ZNF516: variants seen among roughly 807,000 people sequenced by gnomAD.
The protein encoded by ZNF516 is zinc finger protein 516.
Under a neutral mutation model 79.7 loss-of-function variants are expected in ZNF516, and 19 were observed. The observed-to-expected ratio is 0.24, with a 90% confidence interval of 0.17 to 0.35. The LOEUF is 0.35. Ranked by LOEUF, ZNF516 falls within the 10% of genes least tolerant of loss-of-function variation. The pLI is 1.00. For missense variants in ZNF516, 1,678 were observed against 1,679.5 expected, an observed-to-expected ratio of 1.00 and a Z score of 0.02; for synonymous variants, 877 against 739.5, an observed-to-expected ratio of 1.19 and a Z score of -3.02.
chr18:76,458,791 C>CATGCGT (rs879802293), intron 2 of ZNF516, among the ~76,000 whole-genome samples: 8,608 of 146,022 alleles, frequency 0.059, 281 homozygotes, highest in African/African-American at 0.074. Context: ...GCCTCACCGT[C>CATGCGT]GTGCGTGTGC....
rs969520197 is a variant in ZNF516 at position 76,432,706 on chromosome 18, T to C, written c.1810+8539A>G. 2.6e-5 allele frequency among the ~76,000 whole-genome samples: 4 copies of C among 152,162 alleles called. 1 individual carries two copies. The South Asian group carries it at 8.3e-4, about 31-fold the overall frequency. On this transcript the variant is annotated intron_variant, in intron 3 of 6. Coordinates refer to ENST00000443185, the MANE Select transcript of ZNF516 (RefSeq NM_014643.4). Reference sequence around the variant, plus strand: ...AGGCCCACGGCCCTCTGTACTGAGGTGGGAAACCATCCAGTGGCCTGACCA... The same window carrying C: ...AGGCCCACGGCCCTCTGTACTGAGGCGGGAAACCATCCAGTGGCCTGACCA...
chr18:76,415,364 G>A (rs952376596), intron 3 of ZNF516, among the ~76,000 whole-genome samples: 12 of 152,312 alleles, frequency 7.9e-5, no homozygotes, highest in Non-Finnish European at 1.3e-4. Flanking sequence ...TGGCACTGAC[G>A]GTTGTCACGG....
At chr18:76,426,488 T>C (rs2145423162) in intron 3 of ZNF516, among the ~76,000 whole-genome samples, 1 of 152,346 alleles carries the variant, frequency 6.6e-6, no homozygotes, top group African/African-American at 2.4e-5. Context: ...AAATGAATCT[T>C]CAGTGTAAGT....
At chr18:76,466,067 C>T (rs1300274274) in intron 1 of ZNF516, among the ~76,000 whole-genome samples, 1 of 152,222 alleles carries the variant, frequency 6.6e-6, no homozygotes, top group Non-Finnish European at 1.5e-5. Flanking sequence ...GATGCATTTT[C>T]TGATGATCAA....
intron 3 of ZNF516, among the ~76,000 whole-genome samples, chr18:76,409,461 GA>G (rs2075345672): frequency 6.6e-6 from 1 of 152,072 alleles, no homozygotes; most frequent in Admixed American, 6.5e-5. Context: ...AAAATTCTAA[GA>G]AGCTGATTTT....
intron 6 of ZNF516, among the ~76,000 whole-genome samples, chr18:76,362,870 T>C (rs1359377742): frequency 1.3e-5 from 2 of 152,322 alleles, no homozygotes; most frequent in African/African-American, 4.8e-5. Flanking sequence ...CAGATGATAG[T>C]GTCTGAACCA....
intron 1 of ZNF516, among the ~76,000 whole-genome samples, chr18:76,488,413 A>G (rs552469369): frequency 6.6e-6 from 1 of 152,036 alleles, no homozygotes; most frequent in African/African-American, 2.4e-5. Context: ...AAAGGAAGTC[A>G]GAGCGGCACA....
chr18:76,464,694 G>A (rs1354517035), intron 1 of ZNF516, among the ~76,000 whole-genome samples: 4 of 150,016 alleles, frequency 2.7e-5, no homozygotes, highest in African/African-American at 7.4e-5. Flanking sequence ...GACTTGCAAG[G>A]CCTCCCTGGC....
Position 76,361,231 on chromosome 18 carries a change from CAT to C in ZNF516, c.*1265_*1266del, listed in dbSNP as rs1346499335. The stretch of plus-strand genomic sequence containing the variant: ...AACTCTCAGAAATATTACCATCACA[CAT>C]AGTGTCACGGCAATGGGAAAAGAAA... On this transcript the variant is annotated 3_prime_UTR_variant, in exon 7 of 7. Coordinates refer to ENST00000443185, the MANE Select transcript of ZNF516 (RefSeq NM_014643.4). 4 of 152,186 alleles carry C rather than the reference CAT, an allele frequency of 2.6e-5. No homozygotes were observed. Among genetic ancestry groups the C allele is most frequent in the South Asian group, 4.1e-4 (2 of 4,832 alleles). 9.4% of individuals were successfully genotyped at this position (152,186 alleles called of 1,614,324 possible).
intron 3 of ZNF516, among the ~76,000 whole-genome samples, chr18:76,390,677 T>C (rs913742623): frequency 1.3e-5 from 2 of 152,144 alleles, no homozygotes; most frequent in African/African-American, 4.8e-5. Flanking sequence ...AGGAGGCCCA[T>C]GTGGACGTCG....
intron 3 of ZNF516, among the ~76,000 whole-genome samples, chr18:76,437,067 A>AATACACACACACACACAC (rs2075749809): frequency 7.4e-6 from 1 of 135,892 alleles, no homozygotes; most frequent in Admixed American, 7.3e-5. Flanking sequence ...ACCTGTCTAA[A>AATACACACACACACACAC]ACACACACAC....
intron 1 of ZNF516, chr18:76,490,131 G>T (rs1915078476): frequency 1.0e-6 from 1 of 983,760 alleles, no homozygotes; most frequent in South Asian, 4.7e-5. Context: ...AAATATTTGT[G>T]AGTCTTACAC....
At chr18:76,482,615 C>T (rs1914590334) in intron 1 of ZNF516, among the ~76,000 whole-genome samples, 1 of 152,238 alleles carries the variant, frequency 6.6e-6, no homozygotes, top group South Asian at 2.1e-4. Flanking sequence ...GTATTAAACG[C>T]ATTTCCGACT....
At chr18:76,370,122 C>T (rs939278909) in intron 6 of ZNF516, among the ~76,000 whole-genome samples, 1 of 152,230 alleles carries the variant, frequency 6.6e-6, no homozygotes, top group African/African-American at 2.4e-5. Flanking sequence ...CAAGACACCA[C>T]GCTGGACACG....
chr18:76,362,110 A>C lies in ZNF516; in HGVS notation c.*388T>G, dbSNP rs2074547418. On this transcript the variant is annotated 3_prime_UTR_variant, in exon 7 of 7. Transcript: ENST00000443185. The stretch of plus-strand genomic sequence containing the variant: ...GTGCTCAGCCTCGCCACTCTGTCCA[A>C]CACACACAACAAGTATCTTTTTTTC... The C allele has an allele frequency of 5.6e-6, 1 of 177,612 alleles. No individual in the cohort carries two copies. Among genetic ancestry groups the C allele is most frequent in the South Asian group, 1.4e-4 (1 of 7,084 alleles). The allele number at this position is 177,612 out of a possible 1,614,324, so 11.0% of individuals were successfully genotyped here. A position where few individuals can be genotyped will look rare whatever the true frequency, so the allele number is the denominator to read the frequency against.
chr18:76,418,755 C>G (rs2075469152), intron 3 of ZNF516, among the ~76,000 whole-genome samples: 1 of 152,110 alleles, frequency 6.6e-6, no homozygotes, highest in African/African-American at 2.4e-5. Flanking sequence ...TTTTCAAACG[C>G]TATAATGCAA....
Position 76,442,413 on chromosome 18 carries a change from C to A in ZNF516, c.642G>T (p.Ser214=). 1.2e-6 allele frequency: 2 copies of A among 1,607,404 alleles called. No homozygotes were observed. The highest frequency in any genetic ancestry group is 1.7e-6 in the Non-Finnish European group (2 of 1,179,636). ...GGTCCCTCTCGATGTGGCTCAGCAG[C>A]GACTCCTCCCGCAGCGTCGCGTAGC... ...LCSYATLREE[S]LLSHIERDHI... Residue 214 remains serine (S), a synonymous_variant, in exon 3 of 7, where the codon TCG becomes TCT. Transcript: ENST00000443185.
intron 3 of ZNF516, among the ~76,000 whole-genome samples, chr18:76,382,193 T>C (rs949609520): frequency 6.6e-6 from 1 of 151,692 alleles, no homozygotes; most frequent in Admixed American, 6.6e-5. Context: ...ATCAATGAAG[T>C]CAGGTATATG....
At chr18:76,462,032 C>T (rs572902022) in intron 2 of ZNF516, among the ~76,000 whole-genome samples, 6 of 152,378 alleles carry the variant, frequency 3.9e-5, no homozygotes, top group Non-Finnish European at 1.5e-5. Flanking sequence ...CCCACCCTTC[C>T]CACATCCGGT....
Sources: gnomAD v4.1 joint callset for allele counts (sites outside exome capture counted in the v4.1 genomes callset) on GRCh38, gnomAD v4.1.1 for gene constraint, MANE v1.5 for transcripts, NCBI Gene and HGNC (gene_info 2026-07-23, HGNC 2026-07-21) for gene names.